Variants in CACNA1I observed in about 807,000 individuals in gnomAD.
CACNA1I encodes the protein voltage-dependent T-type calcium channel subunit alpha-1I.
A neutral mutation model predicts 201.6 loss-of-function variants in CACNA1I; 74 were observed. The ratio of observed to expected loss-of-function variants is 0.37; its 90% confidence interval spans 0.30 to 0.45. The LOEUF (loss-of-function observed/expected upper bound fraction) is 0.45, where lower values mean the gene tolerates loss of function less well. CACNA1I is among the 20% of genes least tolerant of loss of function. The probability of loss-of-function intolerance (pLI) is 1.00; values close to 1 mark genes in which losing one functional copy is unlikely to be tolerated. For missense variants in CACNA1I, 2,346 were observed against 3,138.1 expected, an observed-to-expected ratio of 0.75 and a Z score of 6.03; for synonymous variants, 1,431 against 1,345.2, an observed-to-expected ratio of 1.06 and a Z score of -1.40.
chr22:39,684,954 G>A lies in CACNA1I; in HGVS notation c.6027+456G>A, dbSNP rs1016568629. 6 of 293,684 alleles carry A rather than the reference G, an allele frequency of 2.0e-5. No homozygotes were observed. Among genetic ancestry groups the A allele is most frequent in the African/African-American group, 1.3e-4 (6 of 46,580 alleles). The allele number at this position is 293,684 out of a possible 1,614,324, so 18.2% of individuals were successfully genotyped here. ...CTCGGGCTGCAGGGTCCCCCGTACTGGATTGGCCAGGGCCACAGCCCTCCT... is the reference window on the plus strand; with the variant it reads ...CTCGGGCTGCAGGGTCCCCCGTACTAGATTGGCCAGGGCCACAGCCCTCCT... On this transcript the variant is annotated intron_variant, in intron 36 of 36. Transcript: ENST00000402142. The surrounding 1 kb of genome is among the most constrained non-coding windows in gnomAD (Gnocchi z 4.6).
intron 4 of CACNA1I, among the ~76,000 whole-genome samples, chr22:39,621,742 A>G (rs1933749984): frequency 6.6e-6 from 1 of 152,018 alleles, no homozygotes; most frequent in Non-Finnish European, 1.5e-5. Flanking sequence ...GAGGTAGGGC[A>G]AGTGAGTAGT....
chr22:39,666,111 T>C lies in CACNA1I; in HGVS notation c.4104+105T>C, dbSNP rs1601515655. 1.5e-6 allele frequency: 2 copies of C among 1,371,452 alleles called. No individual in the cohort carries two copies. Among genetic ancestry groups the C allele is most frequent in the East Asian group, 2.5e-5 (1 of 39,816 alleles). 85.0% of individuals were successfully genotyped at this position (1,371,452 alleles called of 1,614,324 possible). A position where few individuals can be genotyped will look rare whatever the true frequency, so the allele number is the denominator to read the frequency against. ...TGTCTTGCACTGCCAGGACTGACACTGACTTCTCCTCTCCAAGCCTCAGTT... is the reference window on the plus strand; with the variant it reads ...TGTCTTGCACTGCCAGGACTGACACCGACTTCTCCTCTCCAAGCCTCAGTT... On this transcript the variant is annotated intron_variant, in intron 23 of 36. Transcript: ENST00000402142. This position sits in a 1 kb window ranked among gnomAD's most constrained non-coding sequence, Gnocchi z 4.1.
intron 4 of CACNA1I, among the ~76,000 whole-genome samples, chr22:39,625,206 G>A (rs1030507545): frequency 2.0e-4 from 31 of 152,074 alleles, no homozygotes; most frequent in Non-Finnish European, 7.4e-5. Flanking sequence ...GTGCCCAGCC[G>A]GGACACAGTC....
intron 4 of CACNA1I, among the ~76,000 whole-genome samples, chr22:39,623,780 G>T (rs1199886558): frequency 6.7e-6 from 1 of 150,208 alleles, no homozygotes; most frequent in Non-Finnish European, 1.5e-5. Context: ...GTGTGCCTGT[G>T]GGGGTGTGTA....
chr22:39,579,174 T>TCAGG (rs1418268726), intron 1 of CACNA1I, among the ~76,000 whole-genome samples: 1 of 152,346 alleles, frequency 6.6e-6, no homozygotes, highest in East Asian at 1.9e-4. Flanking sequence ...CTGCCAAGCT[T>TCAGG]CAGGCACTCT....
intron 1 of CACNA1I, among the ~76,000 whole-genome samples, chr22:39,597,574 C>G (rs1480518220): frequency 6.6e-6 from 1 of 152,240 alleles, no homozygotes; most frequent in Non-Finnish European, 1.5e-5. Flanking sequence ...CCATGTGGTG[C>G]AGGCCAGGGC....
chr22:39,619,859 C>T (rs1255311772), intron 4 of CACNA1I, among the ~76,000 whole-genome samples: 1 of 152,174 alleles, frequency 6.6e-6, no homozygotes, highest in Admixed American at 6.5e-5. Context: ...CATTCACCCA[C>T]CACAGATCGA....
rs374764306 is a variant in CACNA1I, at chr22:39,572,764, G to GT, written c.236+1787dup. ...GAAGCAGGGACCACCCATTTGGCTA[G>GT]TTTTTTTTTTTAGATGGAGTCTCGC... On this transcript the variant is annotated intron_variant, in intron 1 of 36. Coordinates refer to ENST00000402142, the MANE Select transcript of CACNA1I (RefSeq NM_021096.4). Among the ~76,000 whole-genome samples the GT allele has an allele frequency of 6.2e-3, 909 of 146,406 alleles. 9 individuals are homozygous for GT. Among genetic ancestry groups the GT allele is most frequent in the African/African-American group, 0.02 (798 of 40,140 alleles).
intron 3 of CACNA1I, among the ~76,000 whole-genome samples, chr22:39,615,665 T>A (rs1448665672): frequency 6.6e-6 from 1 of 152,186 alleles, no homozygotes; most frequent in Non-Finnish European, 1.5e-5. Context: ...TTCTATCCTC[T>A]TCTGCTCAGA....
intron 34 of CACNA1I, 102 bp downstream of exon 34, chr22:39,681,154 A>G: frequency 7.5e-7 from 1 of 1,327,152 alleles, no homozygotes. Context: ...TACCATGTAA[A>G]CGGCACCCAC....
At chr22:39,653,366 C>T (rs1002952483) in intron 10 of CACNA1I, among the ~76,000 whole-genome samples, 5 of 152,210 alleles carry the variant, frequency 3.3e-5, no homozygotes, top group Non-Finnish European at 5.9e-5. Context: ...CTGGGCTCTG[C>T]GCAGGGCCTG....
Position 39,662,231 on chromosome 22 carries a change from G to C in CACNA1I, c.3168G>C (p.Thr1056=). The C allele has an allele frequency of 6.5e-7, 1 of 1,528,548 alleles. No individual in the cohort carries two copies. Among genetic ancestry groups the C allele is most frequent in the Non-Finnish European group, 8.8e-7 (1 of 1,142,012 alleles). 94.7% of individuals were successfully genotyped at this position (1,528,548 alleles called of 1,614,324 possible). A position where few individuals can be genotyped will look rare whatever the true frequency, so the allele number is the denominator to read the frequency against. ...LAHRHRHHRR[T]LSLDNRDSVD... is the part of the protein sequence containing the mutation. ...ACCGCCACCGCCACCACCGCCGGACGCTGTCCCTCGACAACAGGGACTCGG... is the reference window on the plus strand; with the variant it reads ...ACCGCCACCGCCACCACCGCCGGACCCTGTCCCTCGACAACAGGGACTCGG... Residue 1056 remains threonine (T), a synonymous_variant, in exon 17 of 37, where the codon ACG becomes ACC. Transcript: ENST00000402142.
At chr22:39,585,397 T>G (rs1278823710) in intron 1 of CACNA1I, among the ~76,000 whole-genome samples, 1 of 141,154 alleles carries the variant, frequency 7.1e-6, no homozygotes, top group Non-Finnish European at 1.5e-5. Context: ...TTTTTTTTTT[T>G]TTTTTTTTTT....
rs776649858 is a variant in CACNA1I, at chr22:39,664,177, C to A, written c.3666+18C>A. On this transcript the variant is annotated intron_variant, in intron 20 of 36. Transcript: ENST00000402142. ...CATTGAAGGTAGCTCCCGGTTTCAC[C>A]CGGGACCCCTGCTAGCCCCAGCTCG... is the stretch of plus-strand genomic sequence containing the variant. The A allele has an allele frequency of 4.4e-6, 7 of 1,607,186 alleles. No homozygotes were observed. Among genetic ancestry groups the A allele is most frequent in the African/African-American group, 1.3e-5 (1 of 74,928 alleles).
At chr22:39,592,758 C>T (rs919597950) in intron 1 of CACNA1I, among the ~76,000 whole-genome samples, 5 of 152,242 alleles carry the variant, frequency 3.3e-5, no homozygotes, top group African/African-American at 9.6e-5. Flanking sequence ...GCTTCGCTTG[C>T]CTGTGTTCTC....
chr22:39,647,968 A>G (rs886525532), intron 9 of CACNA1I, 42 bp downstream of exon 9: 3 of 1,542,028 alleles, frequency 1.9e-6, no homozygotes, highest in Admixed American at 3.4e-5. Flanking sequence ...CCCCAGCCCC[A>G]ATACCACTTC....
intron 1 of CACNA1I, among the ~76,000 whole-genome samples, chr22:39,593,938 G>A (rs1247713887): frequency 6.6e-6 from 1 of 152,212 alleles, no homozygotes; most frequent in Admixed American, 6.5e-5. Flanking sequence ...CCTGGTTATC[G>A]TGTGGGGCAG....
intron 1 of CACNA1I, among the ~76,000 whole-genome samples, chr22:39,594,367 A>C (rs1482085087): frequency 6.6e-6 from 1 of 152,024 alleles, no homozygotes; most frequent in African/African-American, 2.4e-5. Flanking sequence ...CGACAGGAAG[A>C]GGGGAAAGGC....
At chr22:39,617,865 T>TC (rs1266025819) in intron 3 of CACNA1I, among the ~76,000 whole-genome samples, 6 of 132,298 alleles carry the variant, frequency 4.5e-5, no homozygotes, top group African/African-American at 1.7e-4. Context: ...CTCTGCCAGC[T>TC]CCCCCCTCCC....
Sources: gnomAD v4.1 joint callset for allele counts (sites outside exome capture counted in the v4.1 genomes callset) on GRCh38, gnomAD v4.1.1 for gene constraint, Gnocchi (gnomAD v3.1) non-coding constraint, MANE v1.5 for transcripts, NCBI Gene and HGNC (gene_info 2026-07-23, HGNC 2026-07-21) for gene names.